The following LSAMP variants were observed in gnomAD, a reference collection of about 807,000 sequenced individuals.
LSAMP encodes the protein limbic system-associated membrane protein.
A neutral mutation model predicts 38.6 loss-of-function variants in LSAMP; 7 were observed. The observed-to-expected ratio is 0.18, with a 90% CI of 0.10 to 0.34. The LOEUF is 0.34. Ranked by LOEUF, LSAMP falls within the 10% of genes least tolerant of loss-of-function variation. LSAMP has a pLI of 1.00. For missense variants in LSAMP, 313 were observed against 420.0 expected (o/e 0.75, Z 2.23); for synonymous variants, 154 against 166.8 (o/e 0.92, Z 0.59).
chr3:116,020,147 T>C (rs1940597986), intron 2 of LSAMP, among the ~76,000 whole-genome samples: 1 of 152,160 alleles, frequency 6.6e-6, no homozygotes, highest in African/African-American at 2.4e-5. Flanking sequence ...ATAATGAACA[T>C]GGATTAATCA....
chr3:116,084,455 CA>C (rs57753152), intron 2 of LSAMP, among the ~76,000 whole-genome samples: 44,910 of 102,214 alleles, frequency 0.44, 7,562 homozygotes, highest in African/African-American at 0.59. Flanking sequence ...AAAATCATGG[CA>C]AAAAAAAAAA....
At chr3:116,412,029 T>G (rs1324754206) in intron 1 of LSAMP, among the ~76,000 whole-genome samples, 4 of 152,012 alleles carry the variant, frequency 2.6e-5, no homozygotes, top group African/African-American at 9.7e-5. Context: ...CCTCAAGAAC[T>G]GTGAGCAAAA....
intron 1 of LSAMP, among the ~76,000 whole-genome samples, chr3:116,197,255 G>T (rs1175484736): frequency 6.6e-6 from 1 of 152,068 alleles, no homozygotes; most frequent in Admixed American, 6.6e-5. Context: ...ATAAGTTTAG[G>T]AGAGAGACAA....
intron 2 of LSAMP, among the ~76,000 whole-genome samples, chr3:116,046,748 T>G (rs1459501247): frequency 6.6e-6 from 1 of 152,190 alleles, no homozygotes; most frequent in African/African-American, 2.4e-5. Context: ...GCCCAAATAA[T>G]AAGCATCTTC....
intron 3 of LSAMP, among the ~76,000 whole-genome samples, chr3:115,947,546 C>T (rs926838376): frequency 1.6e-4 from 25 of 152,076 alleles, no homozygotes; most frequent in Non-Finnish European, 2.5e-4. Context: ...ACAAGAGAGG[C>T]ATTTGGGTTT....
chr3:116,423,094 G>C (rs1007396408), intron 1 of LSAMP, among the ~76,000 whole-genome samples: 1 of 152,194 alleles, frequency 6.6e-6, no homozygotes, highest in African/African-American at 2.4e-5. Context: ...ATATGTCAAA[G>C]GTATAAACAA....
At chr3:116,019,177 T>C (rs1172067534) in intron 3 of LSAMP, among the ~76,000 whole-genome samples, 1 of 148,222 alleles carries the variant, frequency 6.7e-6, no homozygotes, top group Non-Finnish European at 1.5e-5. Context: ...GGGGCTGTTC[T>C]ATTGAAACTG....
At chr3:116,183,394 A>G (rs1461201121) in intron 1 of LSAMP, among the ~76,000 whole-genome samples, 2 of 151,870 alleles carry the variant, frequency 1.3e-5, no homozygotes, top group Non-Finnish European at 2.9e-5. Context: ...AAAGGTTTTT[A>G]ACTTGTGGGA....
intron 6 of LSAMP, among the ~76,000 whole-genome samples, chr3:115,823,955 C>T (rs942859025): frequency 6.6e-6 from 1 of 152,200 alleles, no homozygotes; most frequent in Non-Finnish European, 1.5e-5. Flanking sequence ...CCATTATGGG[C>T]TTTGCTCAAT....
intron 1 of LSAMP, among the ~76,000 whole-genome samples, chr3:116,090,801 G>C (rs1708105002): frequency 6.6e-6 from 1 of 152,120 alleles, no homozygotes; most frequent in African/African-American, 2.4e-5. Flanking sequence ...TGTGTGAATA[G>C]GTGTGGGTGA....
At chr3:116,374,019 A>T (rs1165210406) in intron 1 of LSAMP, among the ~76,000 whole-genome samples, 1 of 151,936 alleles carries the variant, frequency 6.6e-6, no homozygotes, top group Non-Finnish European at 1.5e-5. Flanking sequence ...TATTATAATG[A>T]CCTCTTCAGG....
At chr3:116,413,822 TA>T (rs1424714614) in intron 1 of LSAMP, among the ~76,000 whole-genome samples, 1 of 151,454 alleles carries the variant, frequency 6.6e-6, no homozygotes, top group Non-Finnish European at 1.5e-5. Context: ...AAAGTCTTCC[TA>T]GCATATTGGT....
intron 1 of LSAMP, among the ~76,000 whole-genome samples, chr3:116,411,339 C>T (rs150518064): frequency 1.4e-4 from 22 of 151,874 alleles, no homozygotes; most frequent in South Asian, 2.1e-4. Context: ...ATGTTTAGTG[C>T]GGCACTATCC....
At chr3:116,263,899 T>TCTTTA in intron 1 of LSAMP, among the ~76,000 whole-genome samples, 1 of 152,330 alleles carries the variant, frequency 6.6e-6, no homozygotes, top group South Asian at 2.1e-4. Context: ...ATCTATGGCT[T>TCTTTA]CTTTACTTAG....
chr3:116,432,133 T>TAA (rs1334770655), intron 1 of LSAMP, among the ~76,000 whole-genome samples: 6 of 151,898 alleles, frequency 4.0e-5, no homozygotes, highest in Non-Finnish European at 8.8e-5. Flanking sequence ...GCCTCTTATA[T>TAA]ATCGTATCTG....
intron 6 of LSAMP, chr3:115,834,612 A>G (rs1483920122): frequency 3.3e-6 from 4 of 1,222,482 alleles, no homozygotes; most frequent in Non-Finnish European, 4.2e-6. Flanking sequence ...AGGGGAAAAA[A>G]TAGTAATCAT....
chr3:116,312,889 T>C (rs1193059640), intron 1 of LSAMP, among the ~76,000 whole-genome samples: 1 of 152,188 alleles, frequency 6.6e-6, no homozygotes, highest in Admixed American at 6.5e-5. Context: ...TAGACACATA[T>C]CTTACTCACA....
chr3:116,004,251 T>C (rs1357629051), intron 3 of LSAMP, among the ~76,000 whole-genome samples: 1 of 152,082 alleles, frequency 6.6e-6, no homozygotes, highest in Non-Finnish European at 1.5e-5. Context: ...ATGGTCCCTG[T>C]GCTTTGAGGG....
chr3:116,229,487 C>T (rs1030309094), intron 1 of LSAMP, among the ~76,000 whole-genome samples: 22 of 152,134 alleles, frequency 1.4e-4, no homozygotes, highest in South Asian at 4.2e-4. Flanking sequence ...TTCAGTCGTT[C>T]GGAACTGGAA....
Sources: gnomAD v4.1 joint callset for allele counts (sites outside exome capture counted in the v4.1 genomes callset) on GRCh38, gnomAD v4.1.1 for gene constraint, MANE v1.5 for transcripts, NCBI Gene and HGNC (gene_info 2026-07-23, HGNC 2026-07-21) for gene names.